KNDC1: variants seen among roughly 807,000 people sequenced by gnomAD.
KNDC1 encodes kinase non-catalytic C-lobe domain containing 1.
Under a neutral mutation model 172.8 loss-of-function variants are expected in KNDC1, and 106 were observed. The observed-to-expected ratio is 0.61, with a 90% CI of 0.52 to 0.72. The LOEUF (loss-of-function observed/expected upper bound fraction) is 0.72. Ranked by LOEUF, KNDC1 falls within the 30% of genes least tolerant of loss-of-function variation. The pLI is 0.00. For synonymous variants in KNDC1, 1,083 were observed against 1,062.2 expected, an observed-to-expected ratio of 1.02 and a Z score of -0.38; for missense variants, 2,325 against 2,394.5, an observed-to-expected ratio of 0.97 and a Z score of 0.61.
Position 133,206,882 on chromosome 10 carries a change from A to G in KNDC1, c.3508A>G (p.Lys1170Glu). The change falls in exon 19 of 30, where the codon AAG becomes GAG. Residue 1170 changes from lysine to glutamate, a missense_variant. Lys to Glu is a moderately conservative substitution (Grantham distance 56, BLOSUM62 1). Transcript: ENST00000304613. ...KGSDVKTMLS[K>E]LKGQLEEMKS... ...TTCCGACGTCAAGACCATGCTGTCCAAGCTGAAAGGGCAGCTAGAAGAAAT... is the reference window on the plus strand; with the variant it reads ...TTCCGACGTCAAGACCATGCTGTCCGAGCTGAAAGGGCAGCTAGAAGAAAT... The G allele has an allele frequency of 1.9e-6, 3 of 1,614,112 alleles. No individual in the cohort carries two copies. The highest frequency in any genetic ancestry group is 2.7e-5 in the African/African-American group (2 of 75,064).
Position 133,201,457 on chromosome 10 carries a change from C to T in KNDC1, c.2990-44C>T, listed in dbSNP as rs755118654. On this transcript the variant is annotated intron_variant, in intron 16 of 29. Coordinates refer to ENST00000304613, the MANE Select transcript of KNDC1 (RefSeq NM_152643.8). The stretch of plus-strand genomic sequence containing the variant: ...ATTAACAGCCTGCCCGGGCTCCGCC[C>T]ACAGGAGCCACTGTCCACGTAACCT... 6 of 1,539,452 alleles carry T rather than the reference C, an allele frequency of 3.9e-6. No homozygotes were observed. In the Admixed American group the frequency reaches 1.2e-4, roughly 31 times the overall value.
At position 133,186,179 on chromosome 10, in the gene KNDC1, G is replaced by A; in HGVS notation, c.831G>A (p.Gly277=). The stretch of plus-strand genomic sequence containing the variant: ...ATGGCGAGAGCCACAGCCGGGAGGG[G>A]CTGGCCGGCCTCGTCCTGGATGCCG... ...VRNGESHSRE[G]LAGLVLDAER... The change falls in exon 6 of 30, where the codon GGG becomes GGA. Residue 277 remains glycine, a synonymous_variant. Transcript: ENST00000304613. 1 of 1,576,274 alleles carries A rather than the reference G, an allele frequency of 6.3e-7. No homozygotes were observed. The highest frequency in any genetic ancestry group is 2.3e-5 in the East Asian group (1 of 44,090).
chr10:133,212,658 C>T, intron 23 of KNDC1, 58 bp from the exon 24 acceptor site: 7 of 1,492,462 alleles, frequency 4.7e-6, no homozygotes, highest in Non-Finnish European at 5.5e-6. Flanking sequence ...CCTCCCTGGA[C>T]CCCTGACCCA....
intron 22 of KNDC1, 46 bp from the exon 23 acceptor site, chr10:133,211,633 C>T (rs1291856863): frequency 1.3e-6 from 2 of 1,593,516 alleles, no homozygotes; most frequent in Non-Finnish European, 1.7e-6. Flanking sequence ...TGCCGCCCTC[C>T]TCCAGAAGGT....
intron 28 of KNDC1, among the ~76,000 whole-genome samples, chr10:133,219,606 G>C (rs1462249158): frequency 2.0e-5 from 3 of 152,206 alleles, no homozygotes; most frequent in Non-Finnish European, 2.9e-5. Flanking sequence ...ACGCAGACAC[G>C]GGGCCCTGCT....
Position 133,224,509 on chromosome 10 carries a change from G to C in KNDC1, c.5019-150G>C. On this transcript the variant is annotated intron_variant, in intron 29 of 29. Transcript: ENST00000304613. The surrounding 1 kb of genome is among the most constrained non-coding windows in gnomAD (Gnocchi z 5.4). ...GTCTGAGTAGTGACCTTTCCACCTC[G>C]CCAATAAATACAGACAACCCACCCT... 1.6e-6 allele frequency: 1 copy of C among 628,218 alleles called. No homozygotes were observed. The highest frequency in any genetic ancestry group is 2.8e-6 in the Non-Finnish European group (1 of 351,520). 38.9% of individuals were successfully genotyped at this position (628,218 alleles called of 1,614,324 possible). A position where few individuals can be genotyped will look rare whatever the true frequency, so the allele number is the denominator to read the frequency against.
At chr10:133,201,306 C>T (rs369140396) in intron 16 of KNDC1, among the ~76,000 whole-genome samples, 195 bp from the exon 17 acceptor site, 1 of 152,146 alleles carries the variant, frequency 6.6e-6, no homozygotes, top group African/African-American at 2.4e-5. Context: ...CACCCGGCCC[C>T]GTGCGGCAGT....
intron 6 of KNDC1, among the ~76,000 whole-genome samples, chr10:133,186,962 G>A (rs539766879): frequency 8.5e-5 from 13 of 152,218 alleles, no homozygotes; most frequent in African/African-American, 2.6e-4. Context: ...AGCCCCGCAC[G>A]GCCGTCCCGA....
In KNDC1 at chr10:133,218,972, C is replaced by T. The variant is rs1207059039; in HGVS notation, c.4800+19C>T. Reference sequence around the variant, plus strand: ...GTCCCCTGTGCGTCCCCCTCGGGCCCCAAGGCGGGGGTGGGTACCCGCACG... The same window carrying T: ...GTCCCCTGTGCGTCCCCCTCGGGCCTCAAGGCGGGGGTGGGTACCCGCACG... On this transcript the variant is annotated intron_variant, in intron 27 of 29. Coordinates refer to ENST00000304613, the MANE Select transcript of KNDC1 (RefSeq NM_152643.8). The T allele has an allele frequency of 6.2e-7, 1 of 1,613,610 alleles. No homozygotes were observed. Among genetic ancestry groups the T allele is most frequent in the Non-Finnish European group, 8.5e-7 (1 of 1,179,904 alleles).
At chr10:133,211,650 G>A (rs779118734) in intron 22 of KNDC1, 29 bp from the exon 23 acceptor site, 1 of 1,590,404 alleles carries the variant, frequency 6.3e-7, no homozygotes, top group Non-Finnish European at 8.6e-7. Flanking sequence ...AGGTGGCAGT[G>A]ACCCCCCCAC....
At chr10:133,197,010 G>C in intron 10 of KNDC1, 48 bp from the exon 11 acceptor site, 1 of 1,469,678 alleles carries the variant, frequency 6.8e-7, no homozygotes, top group Non-Finnish European at 9.5e-7. Flanking sequence ...GGACGGTGCA[G>C]CCGTGGCTGA....
In KNDC1 at chr10:133,199,496, A is replaced by G; in HGVS notation, c.2797A>G (p.Thr933Ala). The change falls in exon 15 of 30, where the codon ACT becomes GCT. Residue 933 changes from threonine to alanine, a missense_variant. Physicochemically the swap from Thr to Ala is moderately conservative, Grantham distance 58. Transcript: ENST00000304613. ...CGCCTTGAAAGATCTCACCTTTGCC[A>G]CTTTCTGTGGCGCCATTTCCGAGAA... Reference protein sequence around the residue: ...IFALKDLTFATFCGAISEKFC... With the variant: ...IFALKDLTFAAFCGAISEKFC... The G allele has an allele frequency of 6.2e-7, 1 of 1,613,896 alleles. No homozygotes were observed. Among genetic ancestry groups the G allele is most frequent in the Non-Finnish European group, 8.5e-7 (1 of 1,179,994 alleles).
At chr10:133,189,859 CG>C (rs931918542) in intron 9 of KNDC1, 46 bp downstream of exon 9, 2 of 1,491,960 alleles carry the variant, frequency 1.3e-6, no homozygotes, top group African/African-American at 2.8e-5. Flanking sequence ...CCCCAGCCCT[CG>C]GGGATGCCAC....
At chr10:133,199,376 T>G in intron 14 of KNDC1, 82 bp from the exon 15 acceptor site, 23 of 1,575,404 alleles carry the variant, frequency 1.5e-5, no homozygotes, top group Non-Finnish European at 2.0e-5. Flanking sequence ...GAGATCAGCC[T>G]TGTCCGTTTC....
chr10:133,206,994 A>G, intron 19 of KNDC1, 41 bp downstream of exon 19: 1 of 1,580,260 alleles, frequency 6.3e-7, no homozygotes, highest in Non-Finnish European at 8.7e-7. Flanking sequence ...GTGAGGCAGT[A>G]GCTTCAGACG....
At chr10:133,193,874 A>T (rs1409536631) in intron 9 of KNDC1, among the ~76,000 whole-genome samples, 1 of 152,268 alleles carries the variant, frequency 6.6e-6, no homozygotes, top group African/African-American at 2.4e-5. Context: ...CAGAAGACAT[A>T]GCAATCCTAA....
Position 133,186,027 on chromosome 10 carries a change from A to G in KNDC1, c.679A>G (p.Arg227Gly), listed in dbSNP as rs746627931. ...ERPAPGNAGP[R>G]RPPGDPSTDP... ...ACCTGCCCCAGGAAACGCTGGGCCC[A>G]GGAGGCCGCCCGGGGACCCCAGCAC... Residue 227 changes from arginine to glycine, a missense_variant, in exon 6 of 30, where the codon AGG (arginine) becomes GGG (glycine). Physicochemically the swap from Arg to Gly is moderately radical, Grantham distance 125. Coordinates refer to ENST00000304613, the MANE Select transcript of KNDC1 (RefSeq NM_152643.8). The G allele has an allele frequency of 2.5e-6, 4 of 1,591,562 alleles. No homozygotes were observed. In the Admixed American group the frequency reaches 7.0e-5, roughly 28 times the overall value.
chr10:133,223,604 TGA>T (rs1257266795), intron 29 of KNDC1, among the ~76,000 whole-genome samples: 2 of 63,892 alleles, frequency 3.1e-5, no homozygotes, highest in Admixed American at 1.6e-4. Flanking sequence ...TGTGTGTGTG[TGA>T]GAGCCCATCC....
intron 3 of KNDC1, 80 bp from the exon 4 acceptor site, chr10:133,183,264 C>G: frequency 6.9e-7 from 1 of 1,441,672 alleles, no homozygotes; most frequent in Non-Finnish European, 9.3e-7. Context: ...ACTTGAGCTC[C>G]TGGCCCGGAG....
Sources: gnomAD v4.1 joint callset for allele counts (sites outside exome capture counted in the v4.1 genomes callset) on GRCh38, gnomAD v4.1.1 for gene constraint, Gnocchi (gnomAD v3.1) non-coding constraint, MANE v1.5 for transcripts, NCBI Gene and HGNC (gene_info 2026-07-23, HGNC 2026-07-21) for gene names.